CTNND2: variants seen among roughly 807,000 people sequenced by gnomAD.
CTNND2 encodes catenin delta 2, also known as catenin delta-2.
CTNND2 carries 22 observed loss-of-function variants against 144.4 expected under a neutral mutation model. The observed-to-expected ratio is 0.15, with a 90% CI of 0.11 to 0.22. CTNND2 has a LOEUF of 0.22. Ranked by LOEUF, CTNND2 falls within the 10% of genes least tolerant of loss-of-function variation. CTNND2 has a pLI of 1.00. For missense variants in CTNND2, 1,353 were observed against 1,618.8 expected (o/e 0.84, Z 2.82); for synonymous variants, 751 against 695.6 (o/e 1.08, Z -1.25).
At chr5:11,103,386 G>A (rs1181700724) in intron 14 of CTNND2, among the ~76,000 whole-genome samples, 1 of 152,084 alleles carries the variant, frequency 6.6e-6, no homozygotes, top group Non-Finnish European at 1.5e-5. Context: ...AAACCTGAAA[G>A]TAGGCTGGGC....
intron 12 of CTNND2, among the ~76,000 whole-genome samples, chr5:11,128,007 A>C (rs1051805155): frequency 2.4e-4 from 36 of 152,102 alleles, no homozygotes; most frequent in African/African-American, 8.4e-4. Flanking sequence ...GTCTGTGAAC[A>C]GGTTACTTTA....
chr5:11,126,322 A>G (rs896845091), intron 12 of CTNND2, among the ~76,000 whole-genome samples: 1 of 152,182 alleles, frequency 6.6e-6, no homozygotes, highest in South Asian at 2.1e-4. Context: ...AAAATAGATC[A>G]CAATTCATAA....
chr5:11,492,999 G>A (rs1424098462), intron 3 of CTNND2, among the ~76,000 whole-genome samples: 2 of 152,104 alleles, frequency 1.3e-5, no homozygotes, highest in Admixed American at 1.3e-4. Context: ...TTGAACCTGG[G>A]AAGCAGAGGG....
chr5:11,498,697 C>T (rs989556589), intron 3 of CTNND2, among the ~76,000 whole-genome samples: 3 of 152,150 alleles, frequency 2.0e-5, no homozygotes, highest in African/African-American at 4.8e-5. Context: ...TTTGGCCCTT[C>T]GCGTATAGCT....
intron 12 of CTNND2, among the ~76,000 whole-genome samples, chr5:11,122,758 A>C (rs1479741638): frequency 6.6e-6 from 1 of 151,934 alleles, no homozygotes; most frequent in Non-Finnish European, 1.5e-5. Flanking sequence ...GGAGGGTGTT[A>C]GAGAACAGAA....
At chr5:11,750,870 CAAT>C (rs1208430373) in intron 1 of CTNND2, among the ~76,000 whole-genome samples, 2 of 151,696 alleles carry the variant, frequency 1.3e-5, no homozygotes, top group Non-Finnish European at 2.9e-5. Context: ...AAGATGTAAT[CAAT>C]AATAATTGAT....
chr5:11,650,567 T>C lies in CTNND2; in HGVS notation c.174+81569A>G, dbSNP rs1471235639. The stretch of plus-strand genomic sequence containing the variant: ...AGGAAGATGTGGTAAAGTGTTGAAC[T>C]TTCTAGAGATTTGTTATATTGTTGT... On this transcript the variant is annotated intron_variant, in intron 2 of 21. Coordinates refer to ENST00000304623, the MANE Select transcript of CTNND2 (RefSeq NM_001332.4). Among the ~76,000 whole-genome samples the C allele has an allele frequency of 3.3e-5, 5 of 152,302 alleles. No homozygotes were observed. In the East Asian group the frequency reaches 5.8e-4, roughly 18 times the overall value.
chr5:11,786,766 A>C (rs1360847432), intron 1 of CTNND2, among the ~76,000 whole-genome samples: 4 of 152,200 alleles, frequency 2.6e-5, no homozygotes, highest in Non-Finnish European at 5.9e-5. Context: ...ACTTATCTTG[A>C]ATTATCCAAA....
chr5:10,982,797 C>A (rs1483827948), intron 20 of CTNND2, among the ~76,000 whole-genome samples: 1 of 152,158 alleles, frequency 6.6e-6, no homozygotes, highest in Non-Finnish European at 1.5e-5. Context: ...TATATGTACA[C>A]AATAGAGTAC....
intron 9 of CTNND2, among the ~76,000 whole-genome samples, chr5:11,297,753 ACAGG>A (rs1456422814): frequency 2.0e-5 from 3 of 152,162 alleles, no homozygotes; most frequent in Non-Finnish European, 4.4e-5. Flanking sequence ...GAGAGTTTGG[ACAGG>A]AGGAGTGGGG....
intron 2 of CTNND2, among the ~76,000 whole-genome samples, chr5:11,720,530 C>T (rs1263004921): frequency 2.0e-5 from 3 of 152,082 alleles, no homozygotes; most frequent in Admixed American, 6.6e-5. Flanking sequence ...CTCCTACAGC[C>T]CCCCTTCCTG....
chr5:11,669,713 AT>A (rs568328995), intron 2 of CTNND2, among the ~76,000 whole-genome samples: 2 of 150,122 alleles, frequency 1.3e-5, no homozygotes, highest in East Asian at 2.0e-4. Flanking sequence ...GGATTCATTG[AT>A]TTTTTTTTGA....
At chr5:11,887,198 T>C (rs1256735297) in intron 1 of CTNND2, among the ~76,000 whole-genome samples, 2 of 152,112 alleles carry the variant, frequency 1.3e-5, no homozygotes, top group African/African-American at 4.8e-5. Flanking sequence ...TTAGCCAGAA[T>C]GGTCTTGATC....
At chr5:11,669,897 G>C (rs757491297) in intron 2 of CTNND2, among the ~76,000 whole-genome samples, 4 of 151,980 alleles carry the variant, frequency 2.6e-5, no homozygotes, top group Non-Finnish European at 5.9e-5. Context: ...AGTGCTTTAA[G>C]TTTTCCGCTA....
intron 1 of CTNND2, among the ~76,000 whole-genome samples, chr5:11,874,639 T>C (rs1038530090): frequency 3.9e-5 from 6 of 152,136 alleles, no homozygotes; most frequent in Admixed American, 2.6e-4. Flanking sequence ...ATTTACATCC[T>C]AGGTGGGAAG....
At chr5:11,480,786 T>C (rs1768179070) in intron 3 of CTNND2, among the ~76,000 whole-genome samples, 1 of 151,970 alleles carries the variant, frequency 6.6e-6, no homozygotes, top group East Asian at 1.9e-4. Context: ...GGAAAAAGCG[T>C]TGATGTCAGG....
chr5:11,281,371 G>A (rs144450006), intron 9 of CTNND2, among the ~76,000 whole-genome samples: 301 of 152,276 alleles, frequency 2.0e-3, no homozygotes, highest in African/African-American at 6.6e-3. Flanking sequence ...GTTACCTCAC[G>A]AGAGGTGTTA....
intron 1 of CTNND2, among the ~76,000 whole-genome samples, chr5:11,862,592 C>T (rs1478311039): frequency 1.3e-5 from 2 of 152,102 alleles, no homozygotes; most frequent in South Asian, 2.1e-4. Flanking sequence ...CCCTATAATC[C>T]TAAAAGGTTG....
intron 3 of CTNND2, among the ~76,000 whole-genome samples, chr5:11,481,874 T>C (rs1768302276): frequency 6.6e-6 from 1 of 152,156 alleles, no homozygotes. Context: ...ACATAGGAAT[T>C]GCCAACACGG....
Sources: gnomAD v4.1 joint callset for allele counts (sites outside exome capture counted in the v4.1 genomes callset) on GRCh38, gnomAD v4.1.1 for gene constraint, MANE v1.5 for transcripts, NCBI Gene and HGNC (gene_info 2026-07-23, HGNC 2026-07-21) for gene names.